PCGF5: variants seen among roughly 807,000 people sequenced by gnomAD.
PCGF5 encodes the protein polycomb group ring finger 5.
A neutral mutation model predicts 44.3 loss-of-function variants in PCGF5; 9 were observed. That is an observed-to-expected ratio of 0.20 (90% CI 0.12 to 0.35). The LOEUF (loss-of-function observed/expected upper bound fraction) is 0.35. Ranked by LOEUF, PCGF5 falls within the 10% of genes least tolerant of loss-of-function variation. The probability of loss-of-function intolerance (pLI) is 1.00; values close to 1 mark genes in which losing one functional copy is unlikely to be tolerated. For synonymous variants in PCGF5, 95 were observed against 102.5 expected (o/e 0.93, Z 0.44); for missense variants, 146 against 305.3 (o/e 0.48, Z 3.89).
chr10:91,171,165 A>G (rs1258394942), intron 1 of PCGF5, among the ~76,000 whole-genome samples: 1 of 152,224 alleles, frequency 6.6e-6, no homozygotes, highest in East Asian at 1.9e-4. Flanking sequence ...CATACATGGT[A>G]TTATACATTT....
chr10:91,187,960 T>C (rs1413938535), intron 1 of PCGF5, among the ~76,000 whole-genome samples: 1 of 151,796 alleles, frequency 6.6e-6, no homozygotes, highest in Non-Finnish European at 1.5e-5. Flanking sequence ...TTTTTTTTTA[T>C]TTTAAACTTT....
chr10:91,260,612 A>G (rs1387400572), intron 6 of PCGF5, among the ~76,000 whole-genome samples: 2 of 152,198 alleles, frequency 1.3e-5, no homozygotes, highest in Non-Finnish European at 2.9e-5. Flanking sequence ...CATATACACC[A>G]TGGAATACTA....
At chr10:91,242,235 C>T (rs1407357791) in intron 3 of PCGF5, among the ~76,000 whole-genome samples, 2 of 150,430 alleles carry the variant, frequency 1.3e-5, no homozygotes, top group African/African-American at 4.9e-5. Context: ...AGGATAGGCC[C>T]CACACAGCAA....
chr10:91,253,388 G>A (rs1329041395), intron 6 of PCGF5, among the ~76,000 whole-genome samples: 1 of 151,836 alleles, frequency 6.6e-6, no homozygotes. Flanking sequence ...TTATGCAAAG[G>A]ACTTTTAAGT....
At chr10:91,230,268 C>A (rs968200958) in intron 2 of PCGF5, among the ~76,000 whole-genome samples, 4 of 151,916 alleles carry the variant, frequency 2.6e-5, no homozygotes, top group Admixed American at 2.6e-4. Flanking sequence ...AAGTGTGTAA[C>A]CTAAACTACA....
chr10:91,260,311 C>T (rs1845866136), intron 6 of PCGF5, among the ~76,000 whole-genome samples: 1 of 152,154 alleles, frequency 6.6e-6, no homozygotes, highest in African/African-American at 2.4e-5. Context: ...CAGGAAACAA[C>T]AGGTGCTGGA....
intron 9 of PCGF5, among the ~76,000 whole-genome samples, chr10:91,273,904 A>G (rs1414340085): frequency 1.3e-5 from 2 of 151,148 alleles, no homozygotes. Flanking sequence ...AAAAATCATC[A>G]GTAGATACTG....
chr10:91,271,353 A>G (rs532634857), intron 8 of PCGF5, among the ~76,000 whole-genome samples: 1 of 152,228 alleles, frequency 6.6e-6, no homozygotes, highest in East Asian at 1.9e-4. Context: ...TTCCCAGGAA[A>G]TAGTATTTGT....
At chr10:91,201,923 G>C (rs1844259294) in intron 1 of PCGF5, among the ~76,000 whole-genome samples, 1 of 152,096 alleles carries the variant, frequency 6.6e-6, no homozygotes, top group Admixed American at 6.5e-5. Flanking sequence ...TGTTAGGACT[G>C]TTTACTGGCA....
chr10:91,165,126 C>T (rs1843476999), intron 1 of PCGF5, among the ~76,000 whole-genome samples: 1 of 152,144 alleles, frequency 6.6e-6, no homozygotes, highest in Admixed American at 6.6e-5. Context: ...TGGTGCAGTT[C>T]TAATTTTCTT....
chr10:91,217,820 C>G (rs997819046), upstream of PCGF5, among the ~76,000 whole-genome samples: 1 of 152,182 alleles, frequency 6.6e-6, no homozygotes, highest in Non-Finnish European at 1.5e-5. Flanking sequence ...TAGTCTCGCT[C>G]TTGTGCCCCA....
chr10:91,214,849 C>A (rs1459814881), intron 1 of PCGF5, among the ~76,000 whole-genome samples: 1 of 152,150 alleles, frequency 6.6e-6, no homozygotes, highest in Non-Finnish European at 1.5e-5. Flanking sequence ...CAGAGAATCC[C>A]CAAATGGGGA....
chr10:91,211,744 A>G (rs1844456062), intron 1 of PCGF5, among the ~76,000 whole-genome samples: 1 of 152,252 alleles, frequency 6.6e-6, no homozygotes, highest in Non-Finnish European at 1.5e-5. Flanking sequence ...CAGTGTAAGC[A>G]GAAGCTAGAG....
At chr10:91,229,433 G>A (rs767986779) in intron 2 of PCGF5, among the ~76,000 whole-genome samples, 39 of 152,166 alleles carry the variant, frequency 2.6e-4, no homozygotes, top group Non-Finnish European at 4.9e-4. Flanking sequence ...AAAGGTTTAA[G>A]GGAAGAGTAT....
At chr10:91,174,925 A>G (rs1002749216) in intron 1 of PCGF5, among the ~76,000 whole-genome samples, 1 of 152,222 alleles carries the variant, frequency 6.6e-6, no homozygotes, top group Non-Finnish European at 1.5e-5. Flanking sequence ...GCATCAGCAA[A>G]TTTTTGGAAG....
intron 1 of PCGF5, chr10:91,163,123 A>G (rs1298881280): frequency 6.7e-6 from 1 of 149,030 alleles, no homozygotes; most frequent in Non-Finnish European, 1.5e-5. Flanking sequence ...TCCCCGCCCG[A>G]CGCGGCCCAG....
chr10:91,158,514 C>A (rs780446379), upstream of PCGF5, among the ~76,000 whole-genome samples: 6 of 152,094 alleles, frequency 3.9e-5, no homozygotes, highest in Non-Finnish European at 5.9e-5. Context: ...CTATTATACT[C>A]CAGATATTGA....
chr10:91,192,260 T>C (rs1416122024), intron 1 of PCGF5, among the ~76,000 whole-genome samples: 1 of 152,240 alleles, frequency 6.6e-6, no homozygotes, highest in Non-Finnish European at 1.5e-5. Context: ...TTTATTTTTC[T>C]ATACATTTGA....
chr10:91,243,461 G>A (rs1442518705), intron 3 of PCGF5, among the ~76,000 whole-genome samples: 2 of 152,160 alleles, frequency 1.3e-5, no homozygotes, highest in Non-Finnish European at 2.9e-5. Flanking sequence ...TACCTTCTAT[G>A]TACTTTTTCT....
Sources: gnomAD v4.1 joint callset for allele counts (sites outside exome capture counted in the v4.1 genomes callset) on GRCh38, gnomAD v4.1.1 for gene constraint, MANE v1.5 for transcripts, NCBI Gene and HGNC (gene_info 2026-07-23, HGNC 2026-07-21) for gene names.